NSMAF: variants seen among roughly 807,000 people sequenced by gnomAD.
NSMAF encodes neutral sphingomyelinase activation associated factor.
Under a neutral mutation model 134.9 loss-of-function variants are expected in NSMAF, and 90 were observed. The observed-to-expected ratio is 0.67, with a 90% CI of 0.56 to 0.79. NSMAF has a LOEUF of 0.79. Ranked by LOEUF, NSMAF falls within the 30% of genes least tolerant of loss-of-function variation. The probability of loss-of-function intolerance (pLI) is 0.00; values close to 1 mark genes in which losing one functional copy is unlikely to be tolerated. For missense variants in NSMAF, 1,010 were observed against 1,119.0 expected, an observed-to-expected ratio of 0.90 and a Z score of 1.39; for synonymous variants, 358 against 389.6, an observed-to-expected ratio of 0.92 and a Z score of 0.96.
intron 16 of NSMAF, among the ~76,000 whole-genome samples, chr8:58,600,377 T>C (rs547514387): frequency 1.3e-5 from 2 of 151,962 alleles, no homozygotes; most frequent in South Asian, 2.1e-4. Flanking sequence ...GTAATCTCAG[T>C]ACTTTGGGAG....
chr8:58,588,544 C>T, intron 26 of NSMAF: 3 of 1,243,426 alleles, frequency 2.4e-6, no homozygotes, highest in Admixed American at 1.7e-5. Context: ...ACAACTCACA[C>T]AGTAATGTAG....
chr8:58,592,923 A>C lies in NSMAF; in HGVS notation c.1951+1309T>G, dbSNP rs1456274457. Among the ~76,000 whole-genome samples the C allele has an allele frequency of 3.9e-5, 6 of 151,996 alleles. No individual in the cohort carries two copies. The East Asian group carries it at 1.2e-3, about 29-fold the overall frequency. On this transcript the variant is annotated intron_variant, in intron 23 of 30. Coordinates refer to ENST00000038176, the MANE Select transcript of NSMAF (RefSeq NM_003580.4). ...AAAACAAAAACAACAACAACAAAAA[A>C]AAAACCTCTCTCTCCTTTATTGTGA...
intron 1 of NSMAF, chr8:58,659,282 G>C (rs1440790697): frequency 3.3e-6 from 5 of 1,519,018 alleles, no homozygotes; most frequent in Non-Finnish European, 4.4e-6. Context: ...CGGCCGCCGG[G>C]ACCTGCACTG....
At chr8:58,657,444 T>A (rs562880036) in intron 1 of NSMAF, among the ~76,000 whole-genome samples, 4 of 150,640 alleles carry the variant, frequency 2.7e-5, no homozygotes. Flanking sequence ...CTGGAGCCAA[T>A]GACGAATCCA....
chr8:58,589,902 A>G (rs1585724917), intron 25 of NSMAF, 105 bp downstream of exon 25: 1 of 874,776 alleles, frequency 1.1e-6, no homozygotes, highest in East Asian at 2.6e-5. Context: ...TTTAGAAAAC[A>G]GTGCTGTGTC....
At chr8:58,596,833 C>T (rs368793290) in intron 21 of NSMAF, among the ~76,000 whole-genome samples, 29 of 150,976 alleles carry the variant, frequency 1.9e-4, no homozygotes, top group African/African-American at 6.6e-4. Flanking sequence ...GAGGCTGAGG[C>T]AGGAGAACGG....
chr8:58,613,458 T>C (rs922874896), intron 9 of NSMAF, among the ~76,000 whole-genome samples: 4 of 151,258 alleles, frequency 2.6e-5, no homozygotes, highest in African/African-American at 7.3e-5. Flanking sequence ...CCACTAAAAA[T>C]AACACAAAGT....
intron 12 of NSMAF, 74 bp from the exon 13 acceptor site, chr8:58,603,460 T>C: frequency 7.2e-7 from 1 of 1,390,674 alleles, no homozygotes; most frequent in East Asian, 2.3e-5. Context: ...GGGCTTAACG[T>C]GTAGACCATC....
intron 10 of NSMAF, among the ~76,000 whole-genome samples, chr8:58,608,114 G>A (rs539793828): frequency 6.6e-6 from 1 of 152,340 alleles, no homozygotes; most frequent in Non-Finnish European, 1.5e-5. Context: ...TTTCAGGTTA[G>A]TTTGGGGTGG....
intron 6 of NSMAF, among the ~76,000 whole-genome samples, chr8:58,626,815 A>G (rs1314980770): frequency 6.6e-6 from 1 of 152,190 alleles, no homozygotes; most frequent in Non-Finnish European, 1.5e-5. Context: ...ATTAGTTTAC[A>G]TTCCTACCAG....
At chr8:58,624,892 C>A (rs145334211) in intron 6 of NSMAF, among the ~76,000 whole-genome samples, 1 of 152,284 alleles carries the variant, frequency 6.6e-6, no homozygotes, top group African/African-American at 2.4e-5. Flanking sequence ...CCCTTCAGTT[C>A]TATCAATGTT....
intron 1 of NSMAF, among the ~76,000 whole-genome samples, chr8:58,657,587 TAA>T (rs1275002151): frequency 1.3e-5 from 2 of 152,252 alleles, no homozygotes. Flanking sequence ...CTAAGATTTA[TAA>T]AAGAGACTCC....
At chr8:58,637,218 T>C (rs1033386045) in intron 2 of NSMAF, 4 of 409,660 alleles carry the variant, frequency 9.8e-6, no homozygotes, top group East Asian at 7.1e-5. Context: ...ACAGTAGTCT[T>C]TGATACCTTC....
intron 6 of NSMAF, among the ~76,000 whole-genome samples, chr8:58,629,482 T>C (rs191645838): frequency 2.0e-5 from 3 of 152,354 alleles, no homozygotes; most frequent in African/African-American, 7.2e-5. Flanking sequence ...GACAATAGTT[T>C]TGAATTCCTT....
intron 10 of NSMAF, 97 bp from the exon 11 acceptor site, chr8:58,607,937 T>G: frequency 2.0e-6 from 2 of 1,006,434 alleles, no homozygotes; most frequent in African/African-American, 1.6e-5. Flanking sequence ...TCACCAAATC[T>G]TGCTTTCCTA....
intron 1 of NSMAF, among the ~76,000 whole-genome samples, chr8:58,644,796 T>A (rs2129147617): frequency 6.6e-6 from 1 of 152,216 alleles, no homozygotes; most frequent in Middle Eastern, 3.4e-3. Context: ...TAAAAAAGGA[T>A]GAATTCATGT....
At chr8:58,645,631 T>A (rs1311433031) in intron 1 of NSMAF, among the ~76,000 whole-genome samples, 1 of 151,970 alleles carries the variant, frequency 6.6e-6, no homozygotes, top group East Asian at 1.9e-4. Context: ...GCAGGAAGAA[T>A]GCAACTTGAA....
In NSMAF at chr8:58,595,592, C is replaced by T. The variant is rs1483716272; in HGVS notation, c.1860G>A (p.Leu620=). 5 of 1,613,818 alleles carry T rather than the reference C, an allele frequency of 3.1e-6. No homozygotes were observed. The African/African-American group carries it at 5.3e-5, about 17-fold the overall frequency. ...KTLAWNNITK[L]QLHEHYKIHK... ...GGATTTTATAGTGCTCGTGTAACTG[C>T]AGTTTGGTGATGTTATTCCAGGCCA... Residue 620 remains leucine (L), a synonymous_variant, in exon 22 of 31, where the codon CTG becomes CTA. Coordinates refer to ENST00000038176, the MANE Select transcript of NSMAF (RefSeq NM_003580.4).
At chr8:58,595,708 G>T in intron 21 of NSMAF, 49 bp from the exon 22 acceptor site, 1 of 1,046,508 alleles carries the variant, frequency 9.6e-7, no homozygotes, top group South Asian at 1.3e-5. Flanking sequence ...GTTACCAACA[G>T]ACAACAGCAT....
Sources: gnomAD v4.1 joint callset for allele counts (sites outside exome capture counted in the v4.1 genomes callset) on GRCh38, gnomAD v4.1.1 for gene constraint, MANE v1.5 for transcripts, NCBI Gene and HGNC (gene_info 2026-07-23, HGNC 2026-07-21) for gene names.